MEIS2: variants seen among roughly 807,000 people sequenced by gnomAD.
The protein encoded by MEIS2 is Meis homeobox 2, also known as homeobox protein Meis2.
In MEIS2, 9 loss-of-function variants were observed where a neutral mutation model predicts 58.6. The observed-to-expected ratio is 0.15, with a 90% CI of 0.09 to 0.27. The LOEUF is 0.27. Among genes scored for constraint, MEIS2 ranks in the 10% least tolerant of loss-of-function variants. The pLI, the probability that MEIS2 is intolerant of heterozygous loss-of-function variation, is 1.00. For synonymous variants in MEIS2, 221 were observed against 228.4 expected (o/e 0.97, Z 0.29); for missense variants, 427 against 635.0 (o/e 0.67, Z 3.52).
intron 11 of MEIS2, among the ~76,000 whole-genome samples, chr15:36,893,609 A>C (rs2056004583): frequency 6.6e-6 from 1 of 152,250 alleles, no homozygotes; most frequent in South Asian, 2.1e-4. Context: ...TATTAATGTA[A>C]TTGGTCATGA....
intron 9 of MEIS2, among the ~76,000 whole-genome samples, chr15:36,946,428 A>G (rs923985594): frequency 6.6e-6 from 1 of 151,744 alleles, no homozygotes; most frequent in Non-Finnish European, 1.5e-5. Context: ...TGTAGAAAAA[A>G]AAAAAAAAAA....
At chr15:37,048,218 A>G (rs2141791475) in intron 7 of MEIS2, among the ~76,000 whole-genome samples, 1 of 152,316 alleles carries the variant, frequency 6.6e-6, no homozygotes, top group Middle Eastern at 3.4e-3. Context: ...AAATGTATTA[A>G]CTACATCAAA....
At chr15:37,094,046 A>G in intron 5 of MEIS2, 1 of 340,984 alleles carries the variant, frequency 2.9e-6, no homozygotes, top group Non-Finnish European at 5.4e-6. Flanking sequence ...TGATAATAAC[A>G]TCAAAACATT....
chr15:37,045,478 TAA>T (rs966943691), intron 7 of MEIS2, among the ~76,000 whole-genome samples: 1 of 140,626 alleles, frequency 7.1e-6, no homozygotes, highest in Non-Finnish European at 1.6e-5. Flanking sequence ...CAAATGAGAT[TAA>T]AAAAAAGAAG....
chr15:37,007,494 C>T (rs1415652211), intron 8 of MEIS2, among the ~76,000 whole-genome samples: 4 of 152,146 alleles, frequency 2.6e-5, no homozygotes, highest in East Asian at 1.9e-4. Flanking sequence ...AGGGTGGTGC[C>T]GGCATGTGAA....
chr15:37,021,031 C>T (rs542910786), intron 8 of MEIS2, among the ~76,000 whole-genome samples: 1 of 152,138 alleles, frequency 6.6e-6, no homozygotes, highest in African/African-American at 2.4e-5. Flanking sequence ...AGGAGAGAGC[C>T]CTCACCCAAC....
At chr15:37,049,165 C>T (rs912075112) in intron 7 of MEIS2, among the ~76,000 whole-genome samples, 2 of 152,036 alleles carry the variant, frequency 1.3e-5, no homozygotes, top group Non-Finnish European at 2.9e-5. Flanking sequence ...CACATAATAG[C>T]CCTAGAGAAA....
intron 8 of MEIS2, among the ~76,000 whole-genome samples, chr15:36,970,633 C>A (rs773132530): frequency 6.6e-6 from 1 of 152,200 alleles, no homozygotes; most frequent in Non-Finnish European, 1.5e-5. Flanking sequence ...TGATTCCCCT[C>A]CCAGACAAGA....
intron 9 of MEIS2, among the ~76,000 whole-genome samples, chr15:36,914,924 G>T (rs371085590): frequency 2.6e-5 from 4 of 152,294 alleles, no homozygotes; most frequent in East Asian, 3.8e-4. Context: ...TATAAACAAC[G>T]TGAGCCAGGA....
intron 8 of MEIS2, among the ~76,000 whole-genome samples, chr15:37,012,253 A>G (rs2061189345): frequency 6.6e-6 from 1 of 152,340 alleles, no homozygotes; most frequent in Admixed American, 6.5e-5. Flanking sequence ...TAGCAGCAAG[A>G]TTTTATAGAG....
intron 8 of MEIS2, among the ~76,000 whole-genome samples, chr15:37,012,116 T>TAAG (rs1206210684): frequency 6.6e-6 from 1 of 152,200 alleles, no homozygotes; most frequent in Non-Finnish European, 1.5e-5. Flanking sequence ...CACAATTAAC[T>TAAG]TTCCTTCATT....
rs2055778224 is a variant in MEIS2, at chr15:36,889,357, G to A, written c.*2816C>T. On this transcript the variant is annotated 3_prime_UTR_variant, in exon 12 of 12. Coordinates refer to ENST00000561208, the MANE Select transcript of MEIS2 (RefSeq NM_170675.5). ...ACTCTTTACACTAAATAGTAAACCC[G>A]AGATAGGAGCAAGTGCCTTCCGGGG... 1.3e-5 allele frequency: 2 copies of A among 151,938 alleles called. No homozygotes were observed. Among genetic ancestry groups the A allele is most frequent in the Admixed American group, 1.3e-4 (2 of 15,248 alleles). 9.4% of individuals were successfully genotyped at this position (151,938 alleles called of 1,614,324 possible).
At chr15:36,983,559 A>T (rs751760747) in intron 8 of MEIS2, among the ~76,000 whole-genome samples, 1 of 152,026 alleles carries the variant, frequency 6.6e-6, no homozygotes, top group Non-Finnish European at 1.5e-5. Flanking sequence ...TTTGTAGTAT[A>T]TTTTTAAAAC....
At chr15:36,976,862 G>A (rs1042748735) in intron 8 of MEIS2, among the ~76,000 whole-genome samples, 2 of 152,168 alleles carry the variant, frequency 1.3e-5, no homozygotes, top group African/African-American at 2.4e-5. Flanking sequence ...AGGGGCTCAC[G>A]CCTGTAATCC....
chr15:36,937,520 C>A (rs1028346893), intron 9 of MEIS2, among the ~76,000 whole-genome samples: 17 of 152,150 alleles, frequency 1.1e-4, no homozygotes, highest in African/African-American at 3.9e-4. Context: ...ATAAGATATA[C>A]TTTTTATAAG....
At chr15:36,914,752 G>T (rs2057197086) in intron 9 of MEIS2, among the ~76,000 whole-genome samples, 1 of 152,104 alleles carries the variant, frequency 6.6e-6, no homozygotes. Flanking sequence ...AGAGTCATAA[G>T]AAACCTTAAC....
At chr15:37,018,380 C>T (rs531352536) in intron 8 of MEIS2, among the ~76,000 whole-genome samples, 1 of 152,282 alleles carries the variant, frequency 6.6e-6, no homozygotes, top group African/African-American at 2.4e-5. Flanking sequence ...AGAAACGTGG[C>T]AATCTAGCCA....
chr15:37,053,654 T>C (rs181226625), intron 7 of MEIS2, among the ~76,000 whole-genome samples: 4 of 152,326 alleles, frequency 2.6e-5, no homozygotes, highest in Admixed American at 2.6e-4. Flanking sequence ...TGCTGTATTA[T>C]TTAAATGATA....
chr15:36,945,251 G>T (rs1488501898), intron 9 of MEIS2, among the ~76,000 whole-genome samples: 1 of 151,956 alleles, frequency 6.6e-6, no homozygotes, highest in Non-Finnish European at 1.5e-5. Context: ...AAGCAGCAAA[G>T]AAAAGCATCT....
Sources: gnomAD v4.1 joint callset for allele counts (sites outside exome capture counted in the v4.1 genomes callset) on GRCh38, gnomAD v4.1.1 for gene constraint, MANE v1.5 for transcripts, NCBI Gene and HGNC (gene_info 2026-07-23, HGNC 2026-07-21) for gene names.